COL19A1: variants seen among roughly 807,000 people sequenced by gnomAD.
The protein encoded by COL19A1 is collagen type XIX alpha 1 chain, also known as collagen alpha-1(XIX) chain.
Under a neutral mutation model 190.2 loss-of-function variants are expected in COL19A1, and 159 were observed. The observed-to-expected ratio is 0.84, with a 90% CI of 0.73 to 0.95. The LOEUF is 0.95. COL19A1 is among the 40% of genes least tolerant of loss of function. The probability of loss-of-function intolerance (pLI) is 0.00; values close to 1 mark genes in which losing one functional copy is unlikely to be tolerated. For synonymous variants in COL19A1, 509 were observed against 458.9 expected (o/e 1.11, Z -1.39); for missense variants, 1,418 against 1,431.9 (o/e 0.99, Z 0.16).
chr6:69,870,987 C>G (rs867895394), intron 1 of COL19A1, among the ~76,000 whole-genome samples: 2 of 152,104 alleles, frequency 1.3e-5, no homozygotes, highest in African/African-American at 4.8e-5. Flanking sequence ...AATGATGATG[C>G]CTGTAATTAA....
intron 2 of COL19A1, among the ~76,000 whole-genome samples, chr6:69,888,284 C>T (rs1769077553): frequency 6.6e-6 from 1 of 152,136 alleles, no homozygotes; most frequent in African/African-American, 2.4e-5. Context: ...TACCAGTTTG[C>T]ACAGGGAGAC....
intron 2 of COL19A1, among the ~76,000 whole-genome samples, chr6:69,896,851 A>G (rs1054895404): frequency 2.0e-5 from 3 of 152,116 alleles, no homozygotes; most frequent in Non-Finnish European, 4.4e-5. Flanking sequence ...TTTTTTTGTT[A>G]TTGATTTCTG....
intron 14 of COL19A1, among the ~76,000 whole-genome samples, chr6:70,061,065 CATA>C (rs1398814976): frequency 6.6e-6 from 1 of 152,096 alleles, no homozygotes; most frequent in Non-Finnish European, 1.5e-5. Flanking sequence ...CTGTAATTTT[CATA>C]ATAAGTGATC....
intron 16 of COL19A1, among the ~76,000 whole-genome samples, chr6:70,113,015 G>A (rs1399004933): frequency 6.6e-6 from 1 of 152,172 alleles, no homozygotes; most frequent in African/African-American, 2.4e-5. Context: ...TGCCTTTGCT[G>A]CAATCCTTCA....
intron 12 of COL19A1, among the ~76,000 whole-genome samples, chr6:70,029,441 T>G (rs780828500): frequency 4.6e-5 from 7 of 152,158 alleles, no homozygotes; most frequent in Non-Finnish European, 1.0e-4. Flanking sequence ...GGAATCTTTA[T>G]GTACATGAAT....
rs771364152 is a variant in COL19A1 at position 69,936,886 on chromosome 6, C to A, written c.849C>A (p.Asp283Glu). 12 of 1,613,040 alleles carry A rather than the reference C, an allele frequency of 7.4e-6. No individual in the cohort carries two copies. Among genetic ancestry groups the A allele is most frequent in the Non-Finnish European group, 9.3e-6 (11 of 1,179,226 alleles). ...TGCCAGCAAAGCAGGAACTTAAAGA[C>A]CAGTGCCAGTGCATTCCAAACAAGG... is the stretch of plus-strand genomic sequence containing the variant. ...SYLPAKQELKDQCQCIPNKGE... is the reference protein window; with the variant it reads ...SYLPAKQELKEQCQCIPNKGE... Residue 283 changes from aspartate (D) to glutamate (E), a missense_variant, in exon 8 of 51, where the codon GAC becomes GAA. Asp to Glu is a conservative substitution (Grantham distance 45, BLOSUM62 2). Transcript: ENST00000620364.
intron 1 of COL19A1, among the ~76,000 whole-genome samples, chr6:69,869,613 A>G (rs2487432): frequency 0.68 from 103,739 of 152,040 alleles, 35,377 homozygotes; most frequent in Middle Eastern, 0.75. Flanking sequence ...ATATTAATTT[A>G]AGATGATATT....
intron 15 of COL19A1, among the ~76,000 whole-genome samples, chr6:70,093,726 G>A (rs7770876): frequency 0.013 from 2,012 of 152,208 alleles, 44 homozygotes; most frequent in African/African-American, 0.046. Context: ...TCAAGGAAAC[G>A]TTAATCCTGT....
chr6:70,089,053 A>G (rs1782750515), intron 15 of COL19A1, among the ~76,000 whole-genome samples: 1 of 152,188 alleles, frequency 6.6e-6, no homozygotes, highest in South Asian at 2.1e-4. Flanking sequence ...TTTGAATCCC[A>G]TAGACAAGTG....
chr6:69,876,295 G>A (rs1287821006), intron 1 of COL19A1, among the ~76,000 whole-genome samples: 2 of 152,172 alleles, frequency 1.3e-5, no homozygotes, highest in East Asian at 1.9e-4. Flanking sequence ...TGTCAAGGTC[G>A]AATTCATATG....
chr6:70,102,184 A>G lies in COL19A1; in HGVS notation c.1240A>G (p.Thr414Ala). ...KEGQRGRRGKTGPPGKPGPPG... is the reference protein window; with the variant it reads ...KEGQRGRRGKAGPPGKPGPPG... Reference sequence around the variant, plus strand: ...TGGTTTCAAGGGAAGACGAGGGAAAACAGGACCTCCCGGAAAACCAGGACC... The same window carrying G: ...TGGTTTCAAGGGAAGACGAGGGAAAGCAGGACCTCCCGGAAAACCAGGACC... The change falls in exon 16 of 51, where the codon ACA becomes GCA. Residue 414 changes from threonine to alanine, a missense_variant. Transcript: ENST00000620364. 6.2e-7 allele frequency: 1 copy of G among 1,612,748 alleles called. No homozygotes were observed. Among genetic ancestry groups the G allele is most frequent in the Non-Finnish European group, 8.5e-7 (1 of 1,178,864 alleles).
chr6:69,948,892 C>T (rs1017653385), intron 9 of COL19A1, among the ~76,000 whole-genome samples: 1 of 151,678 alleles, frequency 6.6e-6, no homozygotes, highest in African/African-American at 2.4e-5. Flanking sequence ...AATCCTCAGC[C>T]CTTGGTGCCC....
chr6:70,048,999 G>A (rs952480917), intron 14 of COL19A1, among the ~76,000 whole-genome samples: 1 of 151,644 alleles, frequency 6.6e-6, no homozygotes, highest in African/African-American at 2.4e-5. Context: ...GAATTAATAT[G>A]TTCTGTAGCA....
intron 11 of COL19A1, chr6:69,974,339 G>A (rs1446527086): frequency 6.6e-6 from 1 of 152,134 alleles, no homozygotes; most frequent in Non-Finnish European, 1.5e-5. Context: ...TATTTTAATT[G>A]CCTGCACTTG....
chr6:69,961,799 T>C (rs1020631121), intron 10 of COL19A1, among the ~76,000 whole-genome samples: 1 of 152,120 alleles, frequency 6.6e-6, no homozygotes, highest in Non-Finnish European at 1.5e-5. Context: ...TATGCAATTA[T>C]GTGGGTATAT....
chr6:69,981,417 A>G (rs1776025793), intron 11 of COL19A1, among the ~76,000 whole-genome samples: 1 of 152,200 alleles, frequency 6.6e-6, no homozygotes, highest in Non-Finnish European at 1.5e-5. Flanking sequence ...TGTATATAAT[A>G]TAACCAATTT....
intron 1 of COL19A1, among the ~76,000 whole-genome samples, chr6:69,876,139 A>T (rs1046711566): frequency 4.6e-5 from 7 of 152,164 alleles, no homozygotes; most frequent in African/African-American, 1.4e-4. Context: ...TTCCTGCTGA[A>T]CTTGGTGAGA....
At chr6:70,065,309 C>A (rs923048730) in intron 14 of COL19A1, among the ~76,000 whole-genome samples, 3 of 152,118 alleles carry the variant, frequency 2.0e-5, no homozygotes, top group Non-Finnish European at 4.4e-5. Flanking sequence ...TACCACACAT[C>A]TACAACTATC....
At chr6:70,035,795 T>G (rs1779320110) in intron 13 of COL19A1, 109 bp from the exon 14 acceptor site, 1 of 828,802 alleles carries the variant, frequency 1.2e-6, no homozygotes, top group Non-Finnish European at 1.9e-6. Context: ...TCTATTTTTC[T>G]ATTCTTCAAG....
Sources: allele counts gnomAD v4.1 joint callset (sites outside exome capture counted in the v4.1 genomes callset), GRCh38; gene constraint gnomAD v4.1.1; transcripts MANE v1.5; gene names NCBI Gene and HGNC (gene_info 2026-07-23, HGNC 2026-07-21).